ERBB3: variants seen among roughly 807,000 people sequenced by gnomAD.
The protein encoded by ERBB3 is receptor tyrosine-protein kinase erbB-3.
Under a neutral mutation model 156.7 loss-of-function variants are expected in ERBB3, and 96 were observed. That is an observed-to-expected ratio of 0.61 (90% CI 0.52 to 0.73). The LOEUF is 0.73. Ranked by LOEUF, ERBB3 falls within the 30% of genes least tolerant of loss-of-function variation. ERBB3 has a pLI of 0.00. For synonymous variants in ERBB3, 567 were observed against 632.0 expected (o/e 0.90, Z 1.54); for missense variants, 1,406 against 1,709.4 (o/e 0.82, Z 3.13).
rs1278635698 is a variant in ERBB3 at position 56,098,524 on chromosome 12, G to A, written c.2641G>A (p.Glu881Lys). ...AKTPIKWMALESIHFGKYTHQ... is the reference protein window; with the variant it reads ...AKTPIKWMALKSIHFGKYTHQ... ...GACTCCAATTAAGTGGATGGCCCTT[G>A]AGAGTATCCACTTTGGGAAATACAC... is the stretch of plus-strand genomic sequence containing the variant. Residue 881 changes from glutamate (E) to lysine (K), a missense_variant, in exon 22 of 28, where the codon GAG (glutamate) becomes AAG (lysine). Physicochemically the swap from Glu to Lys is moderately conservative, Grantham distance 56. This residue lies in a region of ERBB3 where 979 missense variants were observed against 1,219.6 expected (regional missense o/e 0.80). Transcript: ENST00000267101. The A allele has an allele frequency of 1.9e-6, 3 of 1,613,020 alleles. No homozygotes were observed. Among genetic ancestry groups the A allele is most frequent in the Non-Finnish European group, 1.7e-6 (2 of 1,178,978 alleles).
chr12:56,099,697 T>C lies in ERBB3; in HGVS notation c.2889T>C (p.Asn963=), dbSNP rs1565861293. The C allele has an allele frequency of 6.2e-7, 1 of 1,614,132 alleles. No homozygotes were observed. Among genetic ancestry groups the C allele is most frequent in the Non-Finnish European group, 8.5e-7 (1 of 1,180,018 alleles). The change falls in exon 24 of 28, where the codon AAT becomes AAC. Residue 963 remains asparagine (N), a synonymous_variant. Transcript: ENST00000267101. Reference sequence around the variant, plus strand: ...GCCCAACCTTTAAAGAACTAGCCAATGAGTTCACCAGGATGGCCCGAGACC... The same window carrying C: ...GCCCAACCTTTAAAGAACTAGCCAACGAGTTCACCAGGATGGCCCGAGACC... ...NIRPTFKELA[N]EFTRMARDPP...
chr12:56,093,944 A>G lies in ERBB3; in HGVS notation c.1613+48A>G, dbSNP rs184082141. The G allele has an allele frequency of 1.1e-5, 18 of 1,611,888 alleles. No homozygotes were observed. The Admixed American group carries it at 3.0e-4, about 27-fold the overall frequency. ...AGGATGGGTGGGGGTGGGGCCCTGCAATGGAACTGTTCAGGTGGCATACAA... is the reference window on the plus strand; with the variant it reads ...AGGATGGGTGGGGGTGGGGCCCTGCGATGGAACTGTTCAGGTGGCATACAA... On this transcript the variant is annotated intron_variant, in intron 13 of 27. Transcript: ENST00000267101.
intron 21 of ERBB3, 32 bp downstream of exon 21, chr12:56,097,972 G>A (rs200457259): frequency 3.6e-5 from 58 of 1,609,234 alleles, no homozygotes; most frequent in Non-Finnish European, 2.0e-5. Flanking sequence ...GGAGGCGGGG[G>A]TGGAGTGAAG....
chr12:56,087,525 C>A (rs1043850451), intron 4 of ERBB3, 52 bp from the exon 5 acceptor site: 51 of 1,472,852 alleles, frequency 3.5e-5, no homozygotes, highest in Non-Finnish European at 4.4e-5. Context: ...TTGATTAAAA[C>A]AAGCCTTTCT....
intron 23 of ERBB3, 90 bp downstream of exon 23, chr12:56,098,995 C>T (rs2136823605): frequency 7.7e-7 from 1 of 1,298,824 alleles, no homozygotes; most frequent in Non-Finnish European, 1.1e-6. Flanking sequence ...ACAATTGTCA[C>T]CCAGGCTGGA....
At position 56,083,705 on chromosome 12, in the gene ERBB3, G is replaced by T. The variant is rs2271195; in HGVS notation, c.83-46G>T. The T allele has an allele frequency of 4.2e-3, 6,786 of 1,611,200 alleles. 226 individuals carry two copies. In the African/African-American group the frequency reaches 0.075, roughly 18 times the overall value. On this transcript the variant is annotated intron_variant, in intron 1 of 27. Transcript: ENST00000267101. ...TCTTTGGGGATGGCAGATGGGCTGA[G>T]AATTTGTGTCCAGCCCTCAGCCACT...
Position 56,085,047 on chromosome 12 carries a change from C to T in ERBB3, c.287C>T (p.Thr96Ile), listed in dbSNP as rs1565856179. The T allele has an allele frequency of 6.2e-7, 1 of 1,614,166 alleles. No homozygotes were observed. Among genetic ancestry groups the T allele is most frequent in the East Asian group, 2.2e-5 (1 of 44,886 alleles). ...YVLVAMNEFS[T>I]LPLPNLRVVR... The stretch of plus-strand genomic sequence containing the variant: ...CTCGTGGCCATGAATGAATTCTCTA[C>T]TCTACCATTGCCCAACCTCCGCGTG... Residue 96 changes from threonine (T) to isoleucine (I), a missense_variant, in exon 3 of 28, where the codon ACT (threonine) becomes ATT (isoleucine). This residue lies in a region of ERBB3 where 979 missense variants were observed against 1,219.6 expected (regional missense o/e 0.80). Transcript: ENST00000267101.
At chr12:56,096,942 G>C in intron 19 of ERBB3, 96 bp downstream of exon 19, 3 of 1,032,028 alleles carry the variant, frequency 2.9e-6, no homozygotes, top group Non-Finnish European at 4.4e-6. Flanking sequence ...CAGCTACTAT[G>C]TTAGCCAGAA....
At chr12:56,094,785 C>G (rs544426955) in intron 15 of ERBB3, among the ~76,000 whole-genome samples, 1 of 152,264 alleles carries the variant, frequency 6.6e-6, no homozygotes, top group African/African-American at 2.4e-5. Context: ...AACCCTGTCT[C>G]TACCAAAAAT....
At position 56,099,940 on chromosome 12, in the gene ERBB3, G is replaced by C. The variant is rs766735121; in HGVS notation, c.3040G>C (p.Asp1014His). ...ELEPELDLDL[D>H]LEAEEDNLAT... Reference sequence around the variant, plus strand: ...GGAGCCAGAACTAGACCTAGACCTAGACTTGGAAGCAGAGGAGGACAACCT... The same window carrying C: ...GGAGCCAGAACTAGACCTAGACCTACACTTGGAAGCAGAGGAGGACAACCT... Residue 1014 changes from aspartate (D) to histidine (H), a missense_variant, in exon 25 of 28, where the codon GAC (aspartate) becomes CAC (histidine). This residue lies in a region of ERBB3 where 415 missense variants were observed against 454.1 expected (regional missense o/e 0.91). Coordinates refer to ENST00000267101, the MANE Select transcript of ERBB3 (RefSeq NM_001982.4). 6.2e-7 allele frequency: 1 copy of C among 1,614,234 alleles called. No individual in the cohort carries two copies. The highest frequency in any genetic ancestry group is 8.5e-7 in the Non-Finnish European group (1 of 1,180,048).
intron 9 of ERBB3, among the ~76,000 whole-genome samples, chr12:56,092,051 G>T (rs1212645582): frequency 6.8e-6 from 1 of 146,940 alleles, no homozygotes; most frequent in Non-Finnish European, 1.5e-5. Context: ...TCCAGCCAGT[G>T]CACTCACTCT....
chr12:56,088,876 A>T lies in ERBB3; in HGVS notation c.1109+8A>T, dbSNP rs1182687898. 1.2e-6 allele frequency: 2 copies of T among 1,613,784 alleles called. No individual in the cohort carries two copies. Among genetic ancestry groups the T allele is most frequent in the Admixed American group, 3.3e-5 (2 of 59,976 alleles). ...GATCACCGGCCTCAATGGGTTAGAG[A>T]TCCTGCCTTCCCTCCTTAGACCCCA... On this transcript the variant is annotated splice_region_variant and intron_variant, in intron 9 of 27. Coordinates refer to ENST00000267101, the MANE Select transcript of ERBB3 (RefSeq NM_001982.4).
At position 56,084,873 on chromosome 12, in the gene ERBB3, A is replaced by G; in HGVS notation, c.235-122A>G. The G allele has an allele frequency of 2.7e-6, 4 of 1,488,918 alleles. No individual in the cohort carries two copies. In the Admixed American group the frequency reaches 6.1e-5, roughly 23 times the overall value. The allele number at this position is 1,488,918 out of a possible 1,614,324, so 92.2% of individuals were successfully genotyped here. On this transcript the variant is annotated intron_variant, in intron 2 of 27. Coordinates refer to ENST00000267101, the MANE Select transcript of ERBB3 (RefSeq NM_001982.4). ...CAAATTTTAAAAAAAAGAAAAAAAG[A>G]AAGGAAAGAAAGAAGGAAGAATTAA...
chr12:56,087,136 C>CAAA lies in ERBB3; in HGVS notation c.548-425_548-423dup, dbSNP rs33927060. On this transcript the variant is annotated intron_variant, in intron 4 of 27. Coordinates refer to ENST00000267101, the MANE Select transcript of ERBB3 (RefSeq NM_001982.4). ...TGGGCAACAGAGTGAGACCCTGTCT[C>CAAA]AAAAAAAAAAAAAAAAAATCCCTGA... Among the ~76,000 whole-genome samples, 88 of 125,432 alleles carry CAAA rather than the reference C, an allele frequency of 7.0e-4. 1 individual carries two copies. The highest frequency in any genetic ancestry group is 1.7e-3 in the African/African-American group (56 of 32,034). The allele number at this position is 125,432 out of a possible 152,430, so 82.3% of individuals were successfully genotyped here.
chr12:56,098,391 G>A (rs1395427227), intron 21 of ERBB3, 109 bp from the exon 22 acceptor site: 26 of 847,378 alleles, frequency 3.1e-5, no homozygotes, highest in Admixed American at 1.2e-4. Context: ...CAGTCTGGGC[G>A]ACAGAGCGAG....
intron 26 of ERBB3, 63 bp from the exon 27 acceptor site, chr12:56,100,998 T>G: frequency 4.5e-6 from 4 of 890,904 alleles, no homozygotes; most frequent in Non-Finnish European, 6.8e-6. Flanking sequence ...TCTAAACAAA[T>G]CTCTCTTCTT....
chr12:56,094,435 C>T lies in ERBB3; in HGVS notation c.1738C>T (p.Arg580Ter), dbSNP rs371577741. The T allele has an allele frequency of 3.1e-6, 5 of 1,614,100 alleles. No individual in the cohort carries two copies. Among genetic ancestry groups the T allele is most frequent in the Non-Finnish European group, 4.2e-6 (5 of 1,180,014 alleles). The change falls in exon 15 of 28, where the codon CGA (arginine) becomes TGA (stop). Residue 580 changes from arginine to a stop codon, truncating the protein, a stop_gained. Transcript: ENST00000267101. LOFTEE classifies it high-confidence loss of function. ...SDTCAQCAHF[R>*]DGPHCVSSCP... is the part of the protein sequence containing the mutation. Reference sequence around the variant, plus strand: ...TACTTGTGCTCAATGTGCCCATTTTCGAGATGGGCCCCACTGTGTGAGCAG... The same window carrying T: ...TACTTGTGCTCAATGTGCCCATTTTTGAGATGGGCCCCACTGTGTGAGCAG...
rs142809206 is a variant in ERBB3, at chr12:56,101,820, G to A, written c.3794G>A (p.Arg1265Gln). Residue 1265 changes from arginine to glutamine, a missense_variant, in exon 28 of 28, where the codon CGG becomes CAG. Transcript: ENST00000267101. ...TPDEDYEYMN[R>Q]QRDGGGPGGD... ...GATGAAGACTATGAATATATGAATCGGCAACGAGATGGAGGTGGTCCTGGG... is the reference window on the plus strand; with the variant it reads ...GATGAAGACTATGAATATATGAATCAGCAACGAGATGGAGGTGGTCCTGGG... 1.5e-5 allele frequency: 24 copies of A among 1,612,880 alleles called. No individual in the cohort carries two copies. Among genetic ancestry groups the A allele is most frequent in the Middle Eastern group, 3.3e-4 (2 of 6,062 alleles).
chr12:56,097,339 C>A, intron 20 of ERBB3, 109 bp downstream of exon 20: 1 of 1,043,454 alleles, frequency 9.6e-7, no homozygotes, highest in Non-Finnish European at 1.5e-6. Context: ...AACCCCCGGG[C>A]TGCAGACTGG....
Sources: gnomAD v4.1 joint callset for allele counts (sites outside exome capture counted in the v4.1 genomes callset) on GRCh38, gnomAD v4.1.1 for gene constraint, gnomAD v4.1.1 regional missense constraint, MANE v1.5 for transcripts, NCBI Gene and HGNC (gene_info 2026-07-23, HGNC 2026-07-21) for gene names.